The following VSIG10 variants were observed in gnomAD, a reference collection of about 807,000 sequenced individuals.
The protein encoded by VSIG10 is V-set and immunoglobulin domain containing 10.
A neutral mutation model predicts 58.7 loss-of-function variants in VSIG10; 48 were observed. That is an observed-to-expected ratio of 0.82 (90% CI 0.65 to 1.04). VSIG10 has a LOEUF of 1.04. Among genes scored for constraint, VSIG10 ranks in the 50% least tolerant of loss-of-function variants. VSIG10 has a pLI of 0.00. For synonymous variants in VSIG10, 260 were observed against 267.1 expected (o/e 0.97, Z 0.26); for missense variants, 628 against 670.0 (o/e 0.94, Z 0.69).
At chr12:118,089,108 C>A (rs1382852316) in intron 2 of VSIG10, among the ~76,000 whole-genome samples, 2 of 151,968 alleles carry the variant, frequency 1.3e-5, no homozygotes, top group African/African-American at 4.8e-5. Flanking sequence ...ATCATCACAC[C>A]TGATTAAGTT....
rs55833872 is a variant in VSIG10 at position 118,073,607 on chromosome 12, T to C, written c.1219+92A>G. 0.46 allele frequency: 659,008 copies of C among 1,435,600 alleles called. 154,091 individuals carry two copies. The highest frequency in any genetic ancestry group is 0.74 in the East Asian group (31,955 of 42,918). The allele number at this position is 1,435,600 out of a possible 1,614,324, so 88.9% of individuals were successfully genotyped here. On this transcript the variant is annotated intron_variant, in intron 5 of 8. Coordinates refer to ENST00000359236, the MANE Select transcript of VSIG10 (RefSeq NM_019086.6). ...CCTTCTCCCAGTTGGCAGTGACCCA[T>C]GTGTAGGGAGGCACCAGGCTGTCCT...
chr12:118,081,960 C>T (rs936827273), intron 3 of VSIG10, among the ~76,000 whole-genome samples, 167 bp downstream of exon 3: 11 of 143,530 alleles, frequency 7.7e-5, no homozygotes, highest in South Asian at 2.2e-4. Context: ...GAGATTGCGG[C>T]GAGGTGAGAT....
rs147210732 is a variant in VSIG10 at position 118,098,397 on chromosome 12, C to T, written c.80-2583G>A. 2.8e-3 allele frequency among the ~76,000 whole-genome samples: 427 copies of T among 151,456 alleles called. 1 individual carries two copies. The highest frequency in any genetic ancestry group is 0.014 in the Middle Eastern group (4 of 294). On this transcript the variant is annotated intron_variant, in intron 1 of 8. Transcript: ENST00000359236. ...CGCCTCTCCCTCTCTCTCTGCCTCT[C>T]CATCTCTCTCCATCTCAAATGGCCC...
intron 2 of VSIG10, among the ~76,000 whole-genome samples, chr12:118,087,855 A>AAAAAAAAAAAAAAGAG (rs766337791): frequency 1.5e-4 from 20 of 131,306 alleles, no homozygotes; most frequent in East Asian, 2.1e-4. Context: ...AAAAAAAAAA[A>AAAAAAAAAAAAAAGAG]AGAGAGAGAA....
chr12:118,074,971 A>G (rs1031385242), intron 4 of VSIG10, among the ~76,000 whole-genome samples: 1 of 152,018 alleles, frequency 6.6e-6, no homozygotes, highest in Non-Finnish European at 1.5e-5. Context: ...CTTTTATGAC[A>G]GTATATTGTT....
chr12:118,091,152 CAA>C (rs1265750434), intron 2 of VSIG10, among the ~76,000 whole-genome samples: 1 of 151,722 alleles, frequency 6.6e-6, no homozygotes, highest in African/African-American at 2.4e-5. Flanking sequence ...CAAACAACAA[CAA>C]AAAAGTCATT....
In VSIG10 at chr12:118,095,613, C is replaced by A; in HGVS notation, c.281G>T (p.Ser94Ile). 6.2e-7 allele frequency: 1 copy of A among 1,613,466 alleles called. No homozygotes were observed. The highest frequency in any genetic ancestry group is 1.3e-5 in the African/African-American group (1 of 74,834). ...GGTGTAGATTCCCTCATCTCCCAGG[C>A]TCAGCGATTCAATGTGCAGGGAGGT... ...DATSLHIESLSLGDEGIYTCQ... is the reference protein window; with the variant it reads ...DATSLHIESLILGDEGIYTCQ... Residue 94 changes from serine (S) to isoleucine (I), a missense_variant, in exon 2 of 9, where the codon AGC becomes ATC. By Grantham distance (142) the Ser-to-Ile change is moderately radical. Transcript: ENST00000359236.
rs35019751 is a variant in VSIG10 at position 118,066,245 on chromosome 12, CA to C, written c.*393del. 5,831 of 39,970 alleles carry C rather than the reference CA, an allele frequency of 0.15. 64 individuals carry two copies. Among genetic ancestry groups the C allele is most frequent in the Admixed American group, 0.18 (582 of 3,272 alleles). 2.5% of individuals were successfully genotyped at this position (39,970 alleles called of 1,614,324 possible). A position where few individuals can be genotyped will look rare whatever the true frequency, so the allele number is the denominator to read the frequency against. ...TGGGCAATAGAGGGAGACTCCGTCT[CA>C]AAAAAAAAAAAAAAAAAAAAAAAAA... On this transcript the variant is annotated 3_prime_UTR_variant, in exon 9 of 9. Coordinates refer to ENST00000359236, the MANE Select transcript of VSIG10 (RefSeq NM_019086.6).
chr12:118,092,186 T>G (rs1659965498), intron 2 of VSIG10, among the ~76,000 whole-genome samples: 1 of 152,164 alleles, frequency 6.6e-6, no homozygotes, highest in South Asian at 2.1e-4. Flanking sequence ...GCCTCCTGAA[T>G]GGCTGGGACT....
chr12:118,075,771 A>C (rs1256165912), intron 4 of VSIG10, among the ~76,000 whole-genome samples: 2 of 152,150 alleles, frequency 1.3e-5, no homozygotes, highest in African/African-American at 4.8e-5. Context: ...CTCTCACAGC[A>C]ACCCTGTTAT....
In VSIG10 at chr12:118,082,289, G is replaced by A. The variant is rs2137901051; in HGVS notation, c.502C>T (p.Gln168Ter). Residue 168 changes from glutamine (Q) to a stop codon, truncating the protein, a stop_gained, in exon 3 of 9, where the codon CAG (glutamine) becomes TAG (stop). Transcript: ENST00000359236. LOFTEE classifies it high-confidence loss of function. Reference protein sequence around the residue: ...RPPPVVEWWFQALNSSSESFG... With the variant: ...RPPPVVEWWF ...GACTCGCTGCTGGAATTCAGGGCCT[G>A]GAACCACCATTCAACCACGGGTGGT... 2 of 1,613,966 alleles carry A rather than the reference G, an allele frequency of 1.2e-6. No homozygotes were observed.
intron 4 of VSIG10, among the ~76,000 whole-genome samples, chr12:118,078,891 A>G (rs984030258): frequency 1.4e-5 from 2 of 144,324 alleles, no homozygotes; most frequent in African/African-American, 2.6e-5. Context: ...GTGAGCCAAG[A>G]TCATGCCACT....
chr12:118,103,944 T>A lies in VSIG10; in HGVS notation c.-273A>T. The A allele has an allele frequency of 5.6e-6, 2 of 357,130 alleles. No homozygotes were observed. Among genetic ancestry groups the A allele is most frequent in the Non-Finnish European group, 1.0e-5 (2 of 198,192 alleles). 22.1% of individuals were successfully genotyped at this position (357,130 alleles called of 1,614,324 possible). On this transcript the variant is annotated 5_prime_UTR_variant, in exon 1 of 9. Transcript: ENST00000359236. Reference sequence around the variant, plus strand: ...CCCCCTGCGCCCGCCAGCCTACTCCTGCCGGCGGAAAACAACAGGAGCGGG... The same window carrying A: ...CCCCCTGCGCCCGCCAGCCTACTCCAGCCGGCGGAAAACAACAGGAGCGGG...
chr12:118,097,258 G>T (rs2033488276), intron 1 of VSIG10, among the ~76,000 whole-genome samples: 1 of 152,182 alleles, frequency 6.6e-6, no homozygotes, highest in Non-Finnish European at 1.5e-5. Context: ...GGGATGTTGG[G>T]AATGTGACAC....
intron 4 of VSIG10, 42 bp from the exon 5 acceptor site, chr12:118,074,034 T>C: frequency 1.3e-6 from 2 of 1,511,280 alleles, no homozygotes; most frequent in Non-Finnish European, 1.8e-6. Context: ...TTTAAAGAGA[T>C]TCAAGTCATG....
At chr12:118,100,993 G>A (rs1260693290) in intron 1 of VSIG10, among the ~76,000 whole-genome samples, 1 of 152,172 alleles carries the variant, frequency 6.6e-6, no homozygotes, top group Non-Finnish European at 1.5e-5. Context: ...AAGGAACAGT[G>A]GCTTGGAAAA....
In VSIG10 at chr12:118,079,438, C is replaced by T. The variant is rs765586083; in HGVS notation, c.833G>A (p.Ser278Asn). ...CTTGCCATCCGACAGCTGGGACTCG[C>T]TCAGCATTTCCACCCCCAGCTTTGA... ...GKSKLGVEML[S>N]ESQLSDGKKF... Residue 278 changes from serine (S) to asparagine (N), a missense_variant, in exon 4 of 9, where the codon AGC becomes AAC. Transcript: ENST00000359236. 1.1e-5 allele frequency: 17 copies of T among 1,613,910 alleles called. No individual in the cohort carries two copies. In the South Asian group the frequency reaches 1.6e-4, roughly 16 times the overall value.
In VSIG10 at chr12:118,071,482, A is replaced by G; in HGVS notation, c.1220-13T>C. 1.2e-6 allele frequency: 2 copies of G among 1,607,482 alleles called. No homozygotes were observed. Among genetic ancestry groups the G allele is most frequent in the Non-Finnish European group, 1.7e-6 (2 of 1,174,024 alleles). Reference sequence around the variant, plus strand: ...ATATTTAAAGGTTCTGTAAAGACAAATCACACCATTGATTCTTCCATCAGA... The same window carrying G: ...ATATTTAAAGGTTCTGTAAAGACAAGTCACACCATTGATTCTTCCATCAGA... On this transcript the variant is annotated splice_polypyrimidine_tract_variant and intron_variant, in intron 5 of 8. Transcript: ENST00000359236.
chr12:118,072,111 G>A (rs2032519856), intron 5 of VSIG10, among the ~76,000 whole-genome samples: 1 of 151,894 alleles, frequency 6.6e-6, no homozygotes. Context: ...GGGGGTTGCG[G>A]TGAGCCAAGA....
Sources: allele counts gnomAD v4.1 joint callset (sites outside exome capture counted in the v4.1 genomes callset), GRCh38; gene constraint gnomAD v4.1.1; transcripts MANE v1.5; gene names NCBI Gene and HGNC (gene_info 2026-07-23, HGNC 2026-07-21).